Variants in GREB1 observed in about 807,000 individuals in gnomAD.
GREB1 encodes the protein growth regulating estrogen receptor binding 1.
GREB1 carries 106 observed loss-of-function variants against 200.7 expected under a neutral mutation model. The ratio of observed to expected loss-of-function variants is 0.53; its 90% CI spans 0.45 to 0.62. The LOEUF (loss-of-function observed/expected upper bound fraction) is 0.62, where lower values mean the gene tolerates loss of function less well. Among genes scored for constraint, GREB1 ranks in the 20% least tolerant of loss-of-function variants. GREB1 has a pLI of 0.00. For synonymous variants in GREB1, 1,132 were observed against 1,092.4 expected (o/e 1.04, Z -0.72); for missense variants, 2,243 against 2,556.8 (o/e 0.88, Z 2.65).
intron 4 of GREB1, among the ~76,000 whole-genome samples, chr2:11,570,008 G>T (rs1391599844): frequency 6.6e-6 from 1 of 152,168 alleles, no homozygotes; most frequent in African/African-American, 2.4e-5. Flanking sequence ...GGCCAGTCTT[G>T]TTTCATTGAT....
chr2:11,549,342 A>G (rs1270386341), intron 1 of GREB1, among the ~76,000 whole-genome samples: 1 of 152,192 alleles, frequency 6.6e-6, no homozygotes, highest in Non-Finnish European at 1.5e-5. Flanking sequence ...TCGGTGTCTG[A>G]TAAGTCCTTT....
upstream of GREB1, among the ~76,000 whole-genome samples, chr2:11,532,360 T>TA (rs1374190544): frequency 6.6e-6 from 1 of 152,138 alleles, no homozygotes; most frequent in East Asian, 1.9e-4. Context: ...GCCAATAAAA[T>TA]AAAGAAAATC....
intron 9 of GREB1, chr2:11,587,284 C>T: frequency 1.1e-6 from 1 of 903,138 alleles, no homozygotes; most frequent in Non-Finnish European, 1.8e-6. Context: ...GATTCCCTTT[C>T]CTCTGCCCCC....
intron 1 of GREB1, among the ~76,000 whole-genome samples, chr2:11,487,338 A>G (rs1406691124): frequency 1.3e-5 from 2 of 152,214 alleles, no homozygotes; most frequent in Non-Finnish European, 2.9e-5. Flanking sequence ...CAGTGGGTAT[A>G]ATCTAGCTGA....
intron 23 of GREB1, among the ~76,000 whole-genome samples, chr2:11,623,480 C>T (rs1684171367): frequency 6.6e-6 from 1 of 152,170 alleles, no homozygotes; most frequent in Non-Finnish European, 1.5e-5. Context: ...AGTGTTGCTG[C>T]CCCTGAAGAC....
chr2:11,564,978 C>T, intron 3 of GREB1, among the ~76,000 whole-genome samples: 1 of 152,180 alleles, frequency 6.6e-6, no homozygotes, highest in East Asian at 1.9e-4. Flanking sequence ...CTCACTATCA[C>T]AAGAATAGCG....
rs550338398 is a variant in GREB1, at chr2:11,635,435, A to G, written c.5346+30A>G. Reference sequence around the variant, plus strand: ...GCTCCTCGCTGCTGGGCAGGCCTCTATGTCCACCGCCTGGGCCGCCCTGGC... The same window carrying G: ...GCTCCTCGCTGCTGGGCAGGCCTCTGTGTCCACCGCCTGGGCCGCCCTGGC... On this transcript the variant is annotated intron_variant, in intron 30 of 32. Coordinates refer to ENST00000381486, the MANE Select transcript of GREB1 (RefSeq NM_014668.4). The G allele has an allele frequency of 2.0e-5, 31 of 1,579,892 alleles. No individual in the cohort carries two copies. In the African/African-American group the frequency reaches 2.3e-4, roughly 12 times the overall value.
intron 7 of GREB1, 174 bp downstream of exon 7, chr2:11,581,006 G>C: frequency 1.3e-6 from 1 of 782,398 alleles, no homozygotes; most frequent in Non-Finnish European, 2.2e-6. Flanking sequence ...TCTGGGCCCA[G>C]GCCCTGGTGC....
intron 1 of GREB1, among the ~76,000 whole-genome samples, chr2:11,535,383 A>T (rs1674243223): frequency 7.2e-6 from 1 of 138,624 alleles, no homozygotes; most frequent in Non-Finnish European, 1.5e-5. Context: ...ACCTCACCCC[A>T]CTTATTTATT....
Position 11,596,098 on chromosome 2 carries a change from C to A in GREB1, c.1826-13C>A, listed in dbSNP as rs543987462. The stretch of plus-strand genomic sequence containing the variant: ...GACATCAAAAACCCATTTGTTTATT[C>A]TGTCTTGGGCAGAGGGTGACATTGA... On this transcript the variant is annotated splice_polypyrimidine_tract_variant and intron_variant, in intron 12 of 32. Coordinates refer to ENST00000381486, the MANE Select transcript of GREB1 (RefSeq NM_014668.4). The A allele has an allele frequency of 3.7e-6, 6 of 1,608,366 alleles. No homozygotes were observed. The highest frequency in any genetic ancestry group is 5.1e-6 in the Non-Finnish European group (6 of 1,176,946).
In GREB1 at chr2:11,593,212, T is replaced by A; in HGVS notation, c.1696+86T>A. On this transcript the variant is annotated intron_variant, in intron 11 of 32. Coordinates refer to ENST00000381486, the MANE Select transcript of GREB1 (RefSeq NM_014668.4). ...TTTGGTGGTTCTCTCCCTTTCTGTC[T>A]AGGGTGGCCCGGGTTTGCAGCAGCA... 4 of 969,982 alleles carry A rather than the reference T, an allele frequency of 4.1e-6. No individual in the cohort carries two copies. The South Asian group carries it at 5.3e-5, about 13-fold the overall frequency. 60.1% of individuals were successfully genotyped at this position (969,982 alleles called of 1,614,324 possible). A position where few individuals can be genotyped will look rare whatever the true frequency, so the allele number is the denominator to read the frequency against.
At chr2:11,484,934 C>T (rs899651684) in intron 1 of GREB1, among the ~76,000 whole-genome samples, 3 of 152,182 alleles carry the variant, frequency 2.0e-5, no homozygotes, top group African/African-American at 4.8e-5. Context: ...CAAGCTCCGC[C>T]TCCCGGGTTC....
At position 11,562,689 on chromosome 2, in the gene GREB1, G is replaced by T. The variant is rs557806251; in HGVS notation, c.277+107G>T. On this transcript the variant is annotated intron_variant, in intron 3 of 32. Coordinates refer to ENST00000381486, the MANE Select transcript of GREB1 (RefSeq NM_014668.4). Reference sequence around the variant, plus strand: ...ACTGTGTGCTGCAGGGGTCCTCTTTGCTCTTCCTCTTTGCTTTCCCTGAGG... The same window carrying T: ...ACTGTGTGCTGCAGGGGTCCTCTTTTCTCTTCCTCTTTGCTTTCCCTGAGG... The T allele has an allele frequency of 2.1e-5, 28 of 1,308,740 alleles. No individual in the cohort carries two copies. The South Asian group carries it at 4.2e-4, about 19-fold the overall frequency. 81.1% of individuals were successfully genotyped at this position (1,308,740 alleles called of 1,614,324 possible).
intron 1 of GREB1, among the ~76,000 whole-genome samples, chr2:11,545,525 T>C (rs1269773757): frequency 6.6e-6 from 1 of 152,186 alleles, no homozygotes; most frequent in Non-Finnish European, 1.5e-5. Flanking sequence ...GTTTGGAGCA[T>C]GGCTGGACAA....
Position 11,618,736 on chromosome 2 carries a change from C to T in GREB1, c.3861C>T (p.Pro1287=), listed in dbSNP as rs746823655. ...LPKAASLLPS[P]SVMWASSFRP... Reference sequence around the variant, plus strand: ...AGGCCGCCTCCCTCCTGCCCTCCCCCTCGGTCATGTGGGCCAGCTCTTTCC... The same window carrying T: ...AGGCCGCCTCCCTCCTGCCCTCCCCTTCGGTCATGTGGGCCAGCTCTTTCC... The change falls in exon 22 of 33, where the codon CCC becomes CCT. Residue 1287 remains proline (P), a synonymous_variant. Coordinates refer to ENST00000381486, the MANE Select transcript of GREB1 (RefSeq NM_014668.4). The T allele has an allele frequency of 1.9e-6, 3 of 1,613,526 alleles. No individual in the cohort carries two copies. The highest frequency in any genetic ancestry group is 2.5e-6 in the Non-Finnish European group (3 of 1,179,820).
chr2:11,606,091 G>C (rs568351026), intron 17 of GREB1, among the ~76,000 whole-genome samples: 1 of 152,168 alleles, frequency 6.6e-6, no homozygotes, highest in Non-Finnish European at 1.5e-5. Context: ...AACTGTCCCC[G>C]CCATACCAAA....
At chr2:11,554,252 A>G (rs760596151) in intron 1 of GREB1, among the ~76,000 whole-genome samples, 1 of 152,166 alleles carries the variant, frequency 6.6e-6, no homozygotes, top group Non-Finnish European at 1.5e-5. Context: ...TCATTTCCCC[A>G]GGCTATAAGC....
At chr2:11,512,517 A>G (rs1673379661) in intron 1 of GREB1, among the ~76,000 whole-genome samples, 1 of 152,222 alleles carries the variant, frequency 6.6e-6, no homozygotes, top group Non-Finnish European at 1.5e-5. Context: ...AAACGTGTGT[A>G]TTTCCTAAAG....
In GREB1 at chr2:11,640,029, T is replaced by C. The variant is rs1013302486; in HGVS notation, c.5687-262T>C. On this transcript the variant is annotated intron_variant, in intron 32 of 32. Coordinates refer to ENST00000381486, the MANE Select transcript of GREB1 (RefSeq NM_014668.4). This position sits in a 1 kb window ranked among gnomAD's most constrained non-coding sequence, Gnocchi z 4.6. Reference sequence around the variant, plus strand: ...CGATTCCACCAGCCTCTCTCCTTCCTCTCCGCACCTCGGTTCAGTCCCTGC... The same window carrying C: ...CGATTCCACCAGCCTCTCTCCTTCCCCTCCGCACCTCGGTTCAGTCCCTGC... 1.3e-5 allele frequency among the ~76,000 whole-genome samples: 2 copies of C among 152,070 alleles called. No homozygotes were observed. Among genetic ancestry groups the C allele is most frequent in the Non-Finnish European group, 2.9e-5 (2 of 68,002 alleles).
Sources: gnomAD v4.1 joint callset for allele counts (sites outside exome capture counted in the v4.1 genomes callset) on GRCh38, gnomAD v4.1.1 for gene constraint, Gnocchi (gnomAD v3.1) non-coding constraint, MANE v1.5 for transcripts, NCBI Gene and HGNC (gene_info 2026-07-23, HGNC 2026-07-21) for gene names.